TSEN15: variants seen among roughly 807,000 people sequenced by gnomAD.
TSEN15 encodes tRNA splicing endonuclease subunit 15, also known as tRNA-splicing endonuclease subunit Sen15.
A neutral mutation model predicts 20.5 loss-of-function variants in TSEN15; 10 were observed. The ratio of observed to expected loss-of-function variants is 0.49; its 90% CI spans 0.30 to 0.83. The LOEUF is 0.83. Ranked by LOEUF, TSEN15 falls within the 40% of genes least tolerant of loss-of-function variation. TSEN15 has a pLI of 0.06. For missense variants in TSEN15, 180 were observed against 218.6 expected, an observed-to-expected ratio of 0.82 and a Z score of 1.11; for synonymous variants, 72 against 80.1, an observed-to-expected ratio of 0.90 and a Z score of 0.54.
chr1:184,076,580 C>T (rs1006015823), downstream of TSEN15, among the ~76,000 whole-genome samples: 1 of 152,142 alleles, frequency 6.6e-6, no homozygotes, highest in Non-Finnish European at 1.5e-5. Context: ...GAAACGATTA[C>T]ACTTAGTGAG....
chr1:184,055,143 C>T (rs1650201275), intron 3 of TSEN15: 2 of 260,792 alleles, frequency 7.7e-6, no homozygotes, highest in Non-Finnish European at 1.4e-5. Context: ...GGCATCTACT[C>T]GGCTTCTAGG....
intron 3 of TSEN15, chr1:184,093,755 C>T (rs1458398333): frequency 3.9e-5 from 6 of 152,114 alleles, no homozygotes; most frequent in Non-Finnish European, 8.8e-5. Context: ...CAGGAGTGCA[C>T]TATAGTAATT....
intron 1 of TSEN15, among the ~76,000 whole-genome samples, 176 bp downstream of exon 1, chr1:184,052,066 A>G (rs560852796): frequency 6.6e-6 from 1 of 152,296 alleles, no homozygotes; most frequent in East Asian, 1.9e-4. Context: ...TTGTTTGTTT[A>G]AACAAGTTGC....
At chr1:184,069,719 A>C (rs1315881803) in intron 3 of TSEN15, among the ~76,000 whole-genome samples, 3 of 152,090 alleles carry the variant, frequency 2.0e-5, no homozygotes, top group Admixed American at 6.6e-5. Context: ...GATTTTATGC[A>C]GTATCCTATA....
downstream of TSEN15, among the ~76,000 whole-genome samples, chr1:184,077,383 AT>A (rs1463861112): frequency 3.3e-5 from 5 of 152,288 alleles, no homozygotes; most frequent in East Asian, 9.6e-4. Flanking sequence ...TTCTTTCAAA[AT>A]ATTACTGTTC....
At chr1:184,058,968 C>CAAATACTTTCA (rs1270575584) in intron 3 of TSEN15, among the ~76,000 whole-genome samples, 1 of 150,738 alleles carries the variant, frequency 6.6e-6, no homozygotes, top group African/African-American at 2.4e-5. Context: ...ACCATGATAA[C>CAAATACTTTCA]AAATACTTTC....
intron 3 of TSEN15, 162 bp from the exon 4 acceptor site, chr1:184,071,995 A>G: frequency 6.7e-6 from 4 of 598,820 alleles, no homozygotes; most frequent in South Asian, 2.8e-5. Flanking sequence ...ATTTGATACT[A>G]TACCAGAAGA....
rs138873313 is a variant in TSEN15 at position 184,072,626 on chromosome 1, T to TA, written c.496-194dup. The TA allele has an allele frequency of 6.3e-3, 3,855 of 607,306 alleles. 111 individuals carry two copies. In the African/African-American group the frequency reaches 0.066, roughly 10 times the overall value. The allele number at this position is 607,306 out of a possible 1,614,324, so 37.6% of individuals were successfully genotyped here. ...TGTAAAGGCTAATAATAGTTGTAAG[T>TA]AAAAAAACGCTTATTTAAGAAATGT... On this transcript the variant is annotated intron_variant, in intron 4 of 4. Coordinates refer to ENST00000645668, the MANE Select transcript of TSEN15 (RefSeq NM_052965.4).
chr1:184,077,874 A>C (rs1651093496), downstream of TSEN15, among the ~76,000 whole-genome samples: 1 of 152,182 alleles, frequency 6.6e-6, no homozygotes. Flanking sequence ...ATGAGCAAAG[A>C]GTGGTTTCTT....
intron 3 of TSEN15, among the ~76,000 whole-genome samples, chr1:184,085,675 G>A (rs1368720015): frequency 6.6e-6 from 1 of 152,214 alleles, no homozygotes; most frequent in Non-Finnish European, 1.5e-5. Context: ...AAAGGGAACA[G>A]CAAGTGCAAA....
At chr1:184,085,268 A>G (rs1651240004) in intron 3 of TSEN15, among the ~76,000 whole-genome samples, 1 of 152,172 alleles carries the variant, frequency 6.6e-6, no homozygotes, top group Non-Finnish European at 1.5e-5. Context: ...GATGGTGGGG[A>G]TTAGGTCTCT....
downstream of TSEN15, among the ~76,000 whole-genome samples, chr1:184,074,675 T>G (rs1359294523): frequency 6.6e-6 from 1 of 152,146 alleles, no homozygotes; most frequent in East Asian, 1.9e-4. Context: ...GCCTACACAC[T>G]AGGGTTTCAT....
At chr1:184,052,516 T>C (rs1650092736) in intron 1 of TSEN15, among the ~76,000 whole-genome samples, 2 of 151,984 alleles carry the variant, frequency 1.3e-5, no homozygotes, top group Admixed American at 1.3e-4. Flanking sequence ...ACAAGTACGG[T>C]TCCAAGCAGT....
intron 3 of TSEN15, among the ~76,000 whole-genome samples, chr1:184,084,278 G>A (rs1572721273): frequency 1.3e-5 from 2 of 152,036 alleles, no homozygotes; most frequent in South Asian, 4.2e-4. Flanking sequence ...GAGAATACAT[G>A]ATAACTAGCT....
chr1:184,081,450 C>T (rs1651166020), intron 3 of TSEN15, among the ~76,000 whole-genome samples: 1 of 152,180 alleles, frequency 6.6e-6, no homozygotes, highest in South Asian at 2.1e-4. Context: ...GCCCATGTTA[C>T]TCCTGTCCAC....
intron 3 of TSEN15, among the ~76,000 whole-genome samples, chr1:184,088,554 C>T (rs1392356436): frequency 1.3e-5 from 2 of 149,420 alleles, no homozygotes; most frequent in Non-Finnish European, 3.0e-5. Flanking sequence ...AAATACGTAT[C>T]CTTGTCAGTG....
intron 3 of TSEN15, among the ~76,000 whole-genome samples, chr1:184,088,998 C>T (rs1010427863): frequency 5.9e-5 from 9 of 152,196 alleles, no homozygotes; most frequent in African/African-American, 2.2e-4. Flanking sequence ...TGAGTGTACA[C>T]AGCAAATGAG....
chr1:184,075,414 T>C (rs74131434), downstream of TSEN15, among the ~76,000 whole-genome samples: 3,434 of 152,268 alleles, frequency 0.023, 125 homozygotes, highest in African/African-American at 0.078. Context: ...TGTCTCCCTG[T>C]TAGACTGGGC....
chr1:184,055,318 A>G (rs139176268), intron 3 of TSEN15, among the ~76,000 whole-genome samples: 22 of 152,326 alleles, frequency 1.4e-4, no homozygotes, highest in Non-Finnish European at 2.6e-4. Context: ...GCACTCAGCC[A>G]TGAAGGATTT....
Sources: gnomAD v4.1 joint callset for allele counts (sites outside exome capture counted in the v4.1 genomes callset) on GRCh38, gnomAD v4.1.1 for gene constraint, MANE v1.5 for transcripts, NCBI Gene and HGNC (gene_info 2026-07-23, HGNC 2026-07-21) for gene names.